The following BRD10 variants were observed in gnomAD, a reference collection of about 807,000 sequenced individuals.
BRD10 encodes the protein uncharacterized bromodomain-containing protein 10.
chr9:5,976,689 T>C, the BRD10 span, among the ~76,000 whole-genome samples: 2 of 151,860 alleles, frequency 1.3e-5, no homozygotes, highest in Admixed American at 6.6e-5. Context: ...TTTGTTTTTT[T>C]CCAAAGGAAA....
At chr9:5,983,601 T>A in the BRD10 span, among the ~76,000 whole-genome samples, 2 of 151,988 alleles carry the variant, frequency 1.3e-5, no homozygotes, top group African/African-American at 4.8e-5. Flanking sequence ...AGATAAAAAA[T>A]TATATTCAGT....
At chr9:5,937,843 G>C in the BRD10 span, among the ~76,000 whole-genome samples, 3 of 152,228 alleles carry the variant, frequency 2.0e-5, no homozygotes, top group Non-Finnish European at 4.4e-5. Context: ...AGTAGAATAT[G>C]AATGAAGATA....
chr9:5,883,400 G>A, the BRD10 span, among the ~76,000 whole-genome samples: 1 of 150,508 alleles, frequency 6.6e-6, no homozygotes, highest in Non-Finnish European at 1.5e-5. Flanking sequence ...AACCTGGAAG[G>A]TCATCCATGA....
chr9:5,974,553 G>C, the BRD10 span, among the ~76,000 whole-genome samples: 1 of 152,148 alleles, frequency 6.6e-6, no homozygotes, highest in African/African-American at 2.4e-5. Flanking sequence ...TCATGATGCA[G>C]ACAGACAGAG....
At chr9:5,902,647 C>T in the BRD10 span, among the ~76,000 whole-genome samples, 3 of 151,374 alleles carry the variant, frequency 2.0e-5, no homozygotes, top group Non-Finnish European at 2.9e-5. Flanking sequence ...ATAGCATGTG[C>T]CTCCAGGTCT....
chr9:5,922,893 C>G, the BRD10 span: 6 of 1,613,864 alleles, frequency 3.7e-6, no homozygotes, highest in African/African-American at 1.3e-5. Context: ...GGTTTTTCCA[C>G]AGCAAGAGCA....
At chr9:5,997,697 T>G in the BRD10 span, among the ~76,000 whole-genome samples, 3 of 152,176 alleles carry the variant, frequency 2.0e-5, no homozygotes, top group Admixed American at 6.5e-5. Context: ...AGAAAAAAAT[T>G]AAGCTGGATT....
the BRD10 span, among the ~76,000 whole-genome samples, chr9:5,904,657 G>C: frequency 6.6e-6 from 1 of 152,114 alleles, no homozygotes; most frequent in Non-Finnish European, 1.5e-5. Flanking sequence ...ATTTTTAGTA[G>C]AGACGGGGTT....
At chr9:5,946,079 T>C in the BRD10 span, among the ~76,000 whole-genome samples, 1 of 152,046 alleles carries the variant, frequency 6.6e-6, no homozygotes, top group Admixed American at 6.6e-5. Flanking sequence ...AGATAATTCC[T>C]TGTGGCTACT....
At chr9:5,965,491 G>C in the BRD10 span, among the ~76,000 whole-genome samples, 2 of 152,070 alleles carry the variant, frequency 1.3e-5, no homozygotes, top group African/African-American at 4.8e-5. Context: ...TTCAACTTAA[G>C]GTTTTCTAGT....
At chr9:5,911,859 CTT>C in the BRD10 span, among the ~76,000 whole-genome samples, 1 of 152,020 alleles carries the variant, frequency 6.6e-6, no homozygotes, top group Non-Finnish European at 1.5e-5. Context: ...GGGCTATCCT[CTT>C]TGGCTATTCT....
chr9:5,899,191 T>C, the BRD10 span: 1 of 152,196 alleles, frequency 6.6e-6, no homozygotes, highest in Non-Finnish European at 1.5e-5. Context: ...AAAAAGTATC[T>C]TTCCAAAAGA....
chr9:5,986,338 C>G, the BRD10 span, among the ~76,000 whole-genome samples: 2 of 152,214 alleles, frequency 1.3e-5, no homozygotes, highest in Admixed American at 1.3e-4. Context: ...ATTCCATGGT[C>G]TGTATGTACC....
chr9:5,892,626 C>A, the BRD10 span: 1 of 1,184,426 alleles, frequency 8.4e-7, no homozygotes, highest in Non-Finnish European at 1.2e-6. Flanking sequence ...TCCACCAGTA[C>A]ATGCCTGCTC....
the BRD10 span, among the ~76,000 whole-genome samples, chr9:5,885,132 A>T: frequency 6.6e-6 from 1 of 151,970 alleles, no homozygotes; most frequent in Admixed American, 6.6e-5. Context: ...CCTCGATTCT[A>T]TTCCCTTCTC....
chr9:5,964,114 A>G, the BRD10 span, among the ~76,000 whole-genome samples: 2 of 151,988 alleles, frequency 1.3e-5, no homozygotes, highest in Admixed American at 1.3e-4. Flanking sequence ...CAGAGTGAAC[A>G]GGCAACCCAC....
the BRD10 span, among the ~76,000 whole-genome samples, chr9:5,989,535 T>C: frequency 6.7e-6 from 1 of 149,082 alleles, no homozygotes; most frequent in East Asian, 2.0e-4. Context: ...TTCATTAAAA[T>C]GTAAATTTTT....
chr9:5,975,463 A>G, the BRD10 span, among the ~76,000 whole-genome samples: 1 of 151,356 alleles, frequency 6.6e-6, no homozygotes, highest in Admixed American at 6.6e-5. Flanking sequence ...AAAAAAAAAA[A>G]AAGATTTAGC....
the BRD10 span, among the ~76,000 whole-genome samples, chr9:5,979,735 A>G: frequency 1.3e-5 from 2 of 151,988 alleles, no homozygotes; most frequent in African/African-American, 4.8e-5. Context: ...TATCTAAAAT[A>G]GCCGGTATGG....
Sources: allele counts gnomAD v4.1 joint callset (sites outside exome capture counted in the v4.1 genomes callset), GRCh38; gene constraint gnomAD v4.1.1; transcripts MANE v1.5; gene names NCBI Gene and HGNC (gene_info 2026-07-23, HGNC 2026-07-21).